The following ZFYVE16 variants were observed in gnomAD, a reference collection of about 807,000 sequenced individuals.
The protein encoded by ZFYVE16 is zinc finger FYVE-type containing 16, also known as zinc finger FYVE domain-containing protein 16.
Under a neutral mutation model 138.1 loss-of-function variants are expected in ZFYVE16, and 89 were observed. That is an observed-to-expected ratio of 0.64 (90% CI 0.54 to 0.77). The LOEUF is 0.77. Among genes scored for constraint, ZFYVE16 ranks in the 30% least tolerant of loss-of-function variants. The pLI, the probability that ZFYVE16 is intolerant of heterozygous loss-of-function variation, is 0.00. For missense variants in ZFYVE16, 1,793 were observed against 1,786.7 expected, an observed-to-expected ratio of 1.00 and a Z score of -0.06; for synonymous variants, 596 against 618.3, an observed-to-expected ratio of 0.96 and a Z score of 0.53.
intron 15 of ZFYVE16, among the ~76,000 whole-genome samples, chr5:80,464,526 C>G (rs1279960729): frequency 6.6e-6 from 1 of 152,172 alleles, no homozygotes; most frequent in African/African-American, 2.4e-5. Flanking sequence ...GGTGGGGACA[C>G]AAAGCCTAAC....
chr5:80,442,955 G>A (rs1391583646), intron 5 of ZFYVE16, 168 bp from the exon 6 acceptor site: 1 of 598,402 alleles, frequency 1.7e-6, no homozygotes, highest in Admixed American at 3.9e-5. Flanking sequence ...TAAAGAGCCT[G>A]TGCTGGCTAC....
intron 16 of ZFYVE16, 31 bp downstream of exon 16, chr5:80,472,954 G>T: frequency 6.5e-7 from 1 of 1,542,146 alleles, no homozygotes; most frequent in South Asian, 1.3e-5. Context: ...AAATATAATT[G>T]ATTTGAAGGA....
At chr5:80,440,475 G>A (rs1178301302) in intron 5 of ZFYVE16, 6 of 985,320 alleles carry the variant, frequency 6.1e-6, no homozygotes, top group Non-Finnish European at 6.0e-6. Context: ...TAGAAGATAA[G>A]GTGGTAATAT....
Position 80,434,229 on chromosome 5 carries a change from T to A in ZFYVE16, c.70+12T>A, listed in dbSNP as rs763369159. 3.1e-6 allele frequency: 5 copies of A among 1,612,518 alleles called. No homozygotes were observed. Among genetic ancestry groups the A allele is most frequent in the Non-Finnish European group, 4.2e-6 (5 of 1,179,124 alleles). On this transcript the variant is annotated intron_variant, in intron 3 of 18. Transcript: ENST00000505560. ...TGAACAGAACCCAGGTTTGTTGATT[T>A]TCCATTTTTGCCGCTAATGGGATTT...
At chr5:80,472,951 A>G (rs936107438) in intron 16 of ZFYVE16, 28 bp downstream of exon 16, 2 of 1,551,780 alleles carry the variant, frequency 1.3e-6, no homozygotes, top group Non-Finnish European at 1.7e-6. Flanking sequence ...CTAAAATATA[A>G]TTGATTTGAA....
chr5:80,452,558 C>G (rs369227204), intron 11 of ZFYVE16: 2 of 149,950 alleles, frequency 1.3e-5, no homozygotes, highest in African/African-American at 4.9e-5. Context: ...AAAGCATATA[C>G]TATTGGGAGT....
intron 15 of ZFYVE16, among the ~76,000 whole-genome samples, chr5:80,465,405 T>TTTTTTTG (rs1753622609): frequency 9.7e-6 from 1 of 103,308 alleles, no homozygotes; most frequent in Non-Finnish European, 2.0e-5. Context: ...TCTTTGTTTT[T>TTTTTTTG]TTTTTTTTTT....
chr5:80,435,473 T>C (rs565237890), intron 3 of ZFYVE16, among the ~76,000 whole-genome samples: 6 of 152,326 alleles, frequency 3.9e-5, no homozygotes, highest in African/African-American at 1.4e-4. Context: ...CTGGGTGTTA[T>C]TTTCTTTAAA....
chr5:80,462,263 T>A lies in ZFYVE16; in HGVS notation c.4024+2769T>A, dbSNP rs556490218. ...GGGTAATTTATAAAAGACAGAGGTT[T>A]AATTGACTCACAGTTCAGCGTGGCT... is the stretch of plus-strand genomic sequence containing the variant. On this transcript the variant is annotated intron_variant, in intron 15 of 18. Transcript: ENST00000505560. Among the ~76,000 whole-genome samples the A allele has an allele frequency of 5.7e-4, 87 of 152,340 alleles. No homozygotes were observed. In the South Asian group the frequency reaches 8.9e-3, roughly 16 times the overall value.
chr5:80,473,104 T>A (rs1754549937), intron 16 of ZFYVE16, among the ~76,000 whole-genome samples, 181 bp downstream of exon 16: 1 of 152,078 alleles, frequency 6.6e-6, no homozygotes, highest in Non-Finnish European at 1.5e-5. Flanking sequence ...GCCTCATAAG[T>A]GGTGGTGTGG....
At chr5:80,452,656 G>C (rs1046890245) in intron 11 of ZFYVE16, among the ~76,000 whole-genome samples, 1 of 152,048 alleles carries the variant, frequency 6.6e-6, no homozygotes, top group African/African-American at 2.4e-5. Context: ...GGATTTTTGG[G>C]TTAGCAGTGC....
chr5:80,444,171 A>C (rs909295594), intron 6 of ZFYVE16, among the ~76,000 whole-genome samples: 1 of 152,154 alleles, frequency 6.6e-6, no homozygotes, highest in Non-Finnish European at 1.5e-5. Context: ...TGTGGACTTC[A>C]GTTTATTACT....
intron 6 of ZFYVE16, among the ~76,000 whole-genome samples, chr5:80,444,696 T>A (rs1440198496): frequency 6.6e-6 from 1 of 151,994 alleles, no homozygotes; most frequent in Non-Finnish European, 1.5e-5. Flanking sequence ...TCCTGTGATA[T>A]TAAGACATTT....
chr5:80,443,221 A>T lies in ZFYVE16; in HGVS notation c.2518A>T (p.Thr840Ser). The T allele has an allele frequency of 6.2e-7, 1 of 1,611,358 alleles. No homozygotes were observed. Among genetic ancestry groups the T allele is most frequent in the Non-Finnish European group, 8.5e-7 (1 of 1,179,354 alleles). The change falls in exon 6 of 19, where the codon ACA becomes TCA. Residue 840 changes from threonine to serine, a missense_variant. Transcript: ENST00000505560. ...TTVQPPQENQ[T>S]SSIPSPATLP... Reference sequence around the variant, plus strand: ...TGTCCAGCCTCCTCAGGAGAACCAAACATCCAGTATACCTTCACCAGCAAC... The same window carrying T: ...TGTCCAGCCTCCTCAGGAGAACCAATCATCCAGTATACCTTCACCAGCAAC...
Position 80,445,255 on chromosome 5 carries a change from G to A in ZFYVE16, c.2582-8G>A, listed in dbSNP as rs376405056. The A allele has an allele frequency of 8.1e-6, 13 of 1,602,476 alleles. No individual in the cohort carries two copies. The African/African-American group carries it at 1.3e-4, about 17-fold the overall frequency. ...ATTCAAATGTTTTACTTTTTCAATT[G>A]ATTCTAGGACTATGTTCCAAAGAAC... On this transcript the variant is annotated splice_polypyrimidine_tract_variant and splice_region_variant and intron_variant, in intron 6 of 18. Coordinates refer to ENST00000505560, the MANE Select transcript of ZFYVE16 (RefSeq NM_001284236.3).
intron 6 of ZFYVE16, 32 bp downstream of exon 6, chr5:80,443,316 G>C (rs368059433): frequency 1.6e-5 from 26 of 1,583,114 alleles, no homozygotes; most frequent in Non-Finnish European, 2.1e-5. Flanking sequence ...TTAGACTAAA[G>C]ATAAATTATT....
At chr5:80,442,046 T>A in intron 5 of ZFYVE16, 1 of 546,568 alleles carries the variant, frequency 1.8e-6, no homozygotes, top group Non-Finnish European at 2.3e-6. Flanking sequence ...GATAATACCC[T>A]AAATTAAAAA....
chr5:80,464,658 T>C (rs1254611575), intron 15 of ZFYVE16, among the ~76,000 whole-genome samples: 4 of 152,210 alleles, frequency 2.6e-5, no homozygotes, highest in African/African-American at 9.6e-5. Flanking sequence ...CCCTCATGAA[T>C]TGCTGATTTT....
chr5:80,473,925 T>C lies in ZFYVE16; in HGVS notation c.4293+66T>C, dbSNP rs6887580. 1,595 of 1,197,048 alleles carry C rather than the reference T, an allele frequency of 1.3e-3. 16 individuals are homozygous for C. The African/African-American group carries it at 0.021, about 16-fold the overall frequency. The allele number at this position is 1,197,048 out of a possible 1,614,324, so 74.2% of individuals were successfully genotyped here. A position where few individuals can be genotyped will look rare whatever the true frequency, so the allele number is the denominator to read the frequency against. ...TATGATTTTTGTTCTTTGGAGATTG[T>C]GCATACTCAACCTCTAAATATTTAT... is the stretch of plus-strand genomic sequence containing the variant. On this transcript the variant is annotated intron_variant, in intron 17 of 18. Transcript: ENST00000505560.
Sources: gnomAD v4.1 joint callset for allele counts (sites outside exome capture counted in the v4.1 genomes callset) on GRCh38, gnomAD v4.1.1 for gene constraint, MANE v1.5 for transcripts, NCBI Gene and HGNC (gene_info 2026-07-23, HGNC 2026-07-21) for gene names.